Variants in RNF150 observed in about 807,000 individuals in gnomAD.
RNF150 encodes the protein ring finger protein 150.
Under a neutral mutation model 39.3 loss-of-function variants are expected in RNF150, and 24 were observed. That is an observed-to-expected ratio of 0.61 (90% confidence interval 0.44 to 0.86). The LOEUF (loss-of-function observed/expected upper bound fraction) is 0.86. Among genes scored for constraint, RNF150 ranks in the 40% least tolerant of loss-of-function variants. The pLI, the probability that RNF150 is intolerant of heterozygous loss-of-function variation, is 0.00. For missense variants in RNF150, 502 were observed against 587.8 expected, an observed-to-expected ratio of 0.85 and a Z score of 1.51; for synonymous variants, 255 against 227.3, an observed-to-expected ratio of 1.12 and a Z score of -1.10.
intron 1 of RNF150, among the ~76,000 whole-genome samples, chr4:141,169,269 C>T (rs1362299205): frequency 2.6e-5 from 4 of 152,136 alleles, no homozygotes; most frequent in East Asian, 1.9e-4. Context: ...GCATGTAGGA[C>T]GTGTCTACTT....
chr4:141,027,919 TTTTTTTG>T (rs1735772162), intron 1 of RNF150, among the ~76,000 whole-genome samples: 9 of 78,204 alleles, frequency 1.2e-4, no homozygotes, highest in African/African-American at 2.7e-4. Flanking sequence ...TTTGTTTTTT[TTTTTTTG>T]TTTTTTTTTT....
chr4:141,011,290 C>T (rs1735066447), intron 1 of RNF150, among the ~76,000 whole-genome samples: 1 of 151,988 alleles, frequency 6.6e-6, no homozygotes, highest in Non-Finnish European at 1.5e-5. Flanking sequence ...TAAAATTATG[C>T]CATAATGAGC....
At chr4:141,196,149 T>C (rs894436957) in intron 1 of RNF150, among the ~76,000 whole-genome samples, 1 of 152,094 alleles carries the variant, frequency 6.6e-6, no homozygotes, top group Non-Finnish European at 1.5e-5. Context: ...AGAAATGAAT[T>C]TGATGTACAC....
At chr4:140,928,543 C>T (rs1239124741) in intron 4 of RNF150, among the ~76,000 whole-genome samples, 1 of 152,108 alleles carries the variant, frequency 6.6e-6, no homozygotes, top group African/African-American at 2.4e-5. Flanking sequence ...CGCTCTGTAT[C>T]TTTATTTCTT....
At chr4:141,009,355 C>T (rs1734988506) in intron 1 of RNF150, among the ~76,000 whole-genome samples, 1 of 152,180 alleles carries the variant, frequency 6.6e-6, no homozygotes, top group Admixed American at 6.5e-5. Context: ...AGTCAGACTG[C>T]TTCCATTCAT....
rs189521503 is a variant in RNF150 at position 140,908,410 on chromosome 4, G to A, written c.1198+2734C>T. ...ATATATGGTTTAGGAAAAATATTTC[G>A]TGAGAAAATTTAGTTTCTATACTGA... is the stretch of plus-strand genomic sequence containing the variant. On this transcript the variant is annotated intron_variant, in intron 6 of 6. Coordinates refer to ENST00000515673, the MANE Select transcript of RNF150 (RefSeq NM_020724.2). 4.5e-3 allele frequency among the ~76,000 whole-genome samples: 687 copies of A among 152,100 alleles called. 7 individuals carry two copies. The highest frequency in any genetic ancestry group is 0.016 in the African/African-American group (652 of 41,456).
At chr4:140,990,207 A>C (rs754835234) in intron 1 of RNF150, among the ~76,000 whole-genome samples, 1 of 152,184 alleles carries the variant, frequency 6.6e-6, no homozygotes, top group Non-Finnish European at 1.5e-5. Flanking sequence ...GTGCCTGTAC[A>C]ACCAGTGCAG....
intron 1 of RNF150, among the ~76,000 whole-genome samples, chr4:140,975,409 C>T (rs1039021144): frequency 3.3e-5 from 5 of 152,136 alleles, no homozygotes; most frequent in African/African-American, 9.7e-5. Context: ...GGTCCTGGAA[C>T]CAATCCCCAG....
chr4:141,186,665 A>G (rs1344101215), intron 1 of RNF150, among the ~76,000 whole-genome samples: 2 of 151,940 alleles, frequency 1.3e-5, no homozygotes, highest in African/African-American at 4.8e-5. Flanking sequence ...TCAGCCTCCC[A>G]AAGTGCTGGG....
At chr4:141,064,742 G>A (rs1737386419) in intron 1 of RNF150, among the ~76,000 whole-genome samples, 1 of 152,174 alleles carries the variant, frequency 6.6e-6, no homozygotes, top group African/African-American at 2.4e-5. Flanking sequence ...GAGGGGAGTA[G>A]GTATCACTGA....
At chr4:141,181,550 G>A (rs1421718415) in intron 1 of RNF150, among the ~76,000 whole-genome samples, 1 of 152,068 alleles carries the variant, frequency 6.6e-6, no homozygotes, top group Admixed American at 6.6e-5. Context: ...TTGCTTCTTT[G>A]ATTGGGCACG....
At chr4:140,930,253 G>C in intron 4 of RNF150, among the ~76,000 whole-genome samples, 1 of 152,354 alleles carries the variant, frequency 6.6e-6, no homozygotes, top group Middle Eastern at 3.4e-3. Flanking sequence ...CCTGCCAAGA[G>C]TTTCCGGCTT....
chr4:140,868,502 G>C, intron 6 of RNF150, 123 bp from the exon 7 acceptor site: 1 of 628,642 alleles, frequency 1.6e-6, no homozygotes, highest in Non-Finnish European at 2.8e-6. Flanking sequence ...AGAAAAATTG[G>C]GTATTCTGTA....
intron 1 of RNF150, among the ~76,000 whole-genome samples, chr4:141,112,961 T>G (rs1739435369): frequency 1.3e-5 from 2 of 152,136 alleles, no homozygotes; most frequent in Non-Finnish European, 2.9e-5. Context: ...TTTCACGCTT[T>G]ATTTCATTAA....
In RNF150 at chr4:141,193,593, GT is replaced by G. The variant is rs547665931; in HGVS notation, c.-6+19200del. Among the ~76,000 whole-genome samples the G allele has an allele frequency of 1.9e-3, 288 of 150,186 alleles. 1 individual carries two copies. The highest frequency in any genetic ancestry group is 3.7e-3 in the Non-Finnish European group (247 of 67,384). On this transcript the variant is annotated intron_variant, in intron 1 of 7. Transcript: ENST00000420921. ...TTATGGCACTTAGATTTTAAGCCAA[GT>G]TTTTTTTTTCCCAGAGATTCTATCT...
intron 1 of RNF150, among the ~76,000 whole-genome samples, chr4:141,177,054 G>GAAAAAAAAAAAAAAAAAAAAAAAAAAAA: frequency 9.0e-6 from 1 of 111,700 alleles, no homozygotes; most frequent in Non-Finnish European, 1.8e-5. Flanking sequence ...TGTCTCCTAG[G>GAAAAAAAAAAAAAAAAAAAAAAAAAAAA]AAAAAAAAAA....
chr4:140,942,922 G>A (rs1022271060), intron 4 of RNF150, among the ~76,000 whole-genome samples: 10 of 152,102 alleles, frequency 6.6e-5, no homozygotes, highest in South Asian at 4.1e-4. Flanking sequence ...CTGCCCCTAC[G>A]CGCCACATAA....
At chr4:141,141,946 A>T (rs189766374) in intron 1 of RNF150, among the ~76,000 whole-genome samples, 55 of 152,330 alleles carry the variant, frequency 3.6e-4, no homozygotes, top group African/African-American at 1.2e-3. Flanking sequence ...TCTCGCATTC[A>T]TATAATTATT....
In RNF150 at chr4:141,122,067, C is replaced by T. The variant is rs778270047; in HGVS notation, c.484+10258G>A. 7.2e-4 allele frequency among the ~76,000 whole-genome samples: 109 copies of T among 152,206 alleles called. 1 individual carries two copies. Among genetic ancestry groups the T allele is most frequent in the Non-Finnish European group, 5.1e-4 (35 of 68,020 alleles). ...GATCACTGATCTCAACCAAGTTCCC[C>T]TCCAGGCGCCTCCTGCTCACCATTT... On this transcript the variant is annotated intron_variant, in intron 1 of 6. Transcript: ENST00000515673.
Sources: gnomAD v4.1 joint callset for allele counts (sites outside exome capture counted in the v4.1 genomes callset) on GRCh38, gnomAD v4.1.1 for gene constraint, MANE v1.5 for transcripts, NCBI Gene and HGNC (gene_info 2026-07-23, HGNC 2026-07-21) for gene names.